The following CCNJL variants were observed in gnomAD, a reference collection of about 807,000 sequenced individuals.
CCNJL encodes the protein cyclin J like.
CCNJL carries 33 observed loss-of-function variants against 33.4 expected under a neutral mutation model. The observed-to-expected ratio is 0.99, with a 90% CI of 0.75 to 1.32. The LOEUF is 1.32. Ranked by LOEUF, CCNJL falls within the 40% of genes most tolerant of loss-of-function variation. The pLI is 0.00. For synonymous variants in CCNJL, 227 were observed against 220.9 expected, an observed-to-expected ratio of 1.03 and a Z score of -0.24; for missense variants, 512 against 499.7, an observed-to-expected ratio of 1.02 and a Z score of -0.23.
rs1760791386 is a variant in CCNJL, at chr5:160,251,187, T to C, written c.*2191A>G. The C allele has an allele frequency of 1.3e-5, 2 of 152,204 alleles. No individual in the cohort carries two copies. Among genetic ancestry groups the C allele is most frequent in the Admixed American group, 6.5e-5 (1 of 15,274 alleles). 9.4% of individuals were successfully genotyped at this position (152,204 alleles called of 1,614,324 possible). A position where few individuals can be genotyped will look rare whatever the true frequency, so the allele number is the denominator to read the frequency against. ...TGGTAAAAGGTCGTAAGAGCAAAGA[T>C]TGAGGTTTCCTGGAGAATAAATTTT... On this transcript the variant is annotated 3_prime_UTR_variant, in exon 6 of 6. Coordinates refer to ENST00000257536, the MANE Select transcript of CCNJL (RefSeq NM_001308173.3).
At chr5:160,319,930 T>TAATAAATAAAAA (rs1763419924) in intron 1 of CCNJL, among the ~76,000 whole-genome samples, 1 of 151,372 alleles carries the variant, frequency 6.6e-6, no homozygotes, top group East Asian at 1.9e-4. Context: ...AATAAATAAA[T>TAATAAATAAAAA]AATAAATAAA....
intron 3 of CCNJL, among the ~76,000 whole-genome samples, chr5:160,267,466 G>A (rs544508788): frequency 1.3e-5 from 2 of 152,172 alleles, no homozygotes; most frequent in Non-Finnish European, 2.9e-5. Context: ...ACCTAGCACA[G>A]CCTCTAGCAT....
At chr5:160,258,490 C>G (rs1023601268) in intron 4 of CCNJL, 11 of 1,309,630 alleles carry the variant, frequency 8.4e-6, no homozygotes, top group East Asian at 2.3e-5. Flanking sequence ...GCCTAAAGAG[C>G]AGTGGACCAA....
At chr5:160,324,759 A>ATCTG (rs1375300474) in intron 1 of CCNJL, among the ~76,000 whole-genome samples, 2 of 152,160 alleles carry the variant, frequency 1.3e-5, no homozygotes, top group African/African-American at 4.8e-5. Flanking sequence ...GAATGTGACT[A>ATCTG]TCTGTCATAT....
chr5:160,276,391 G>C (rs1762011931), intron 3 of CCNJL: 1 of 149,866 alleles, frequency 6.7e-6, no homozygotes, highest in South Asian at 2.1e-4. Flanking sequence ...CTTCAGCCTG[G>C]GCGATAAGAG....
intron 1 of CCNJL, among the ~76,000 whole-genome samples, chr5:160,322,472 T>C (rs1050863423): frequency 6.6e-6 from 1 of 152,186 alleles, no homozygotes; most frequent in African/African-American, 2.4e-5. Context: ...ATATGATGCC[T>C]GGTATATAAA....
chr5:160,253,787 T>C lies in CCNJL; in HGVS notation c.755A>G (p.Asn252Ser), dbSNP rs556666531. 25 of 1,513,744 alleles carry C rather than the reference T, an allele frequency of 1.7e-5. No individual in the cohort carries two copies. Among genetic ancestry groups the C allele is most frequent in the South Asian group, 3.9e-5 (3 of 77,270 alleles). 93.8% of individuals were successfully genotyped at this position (1,513,744 alleles called of 1,614,324 possible). ...CIEILLVVYD[N>S]VLKDAVAVKS... ...GACGGCTACGGCATCCTTGAGGACG[T>C]TGTCATACACTCTGAAACGAGAAGA... Residue 252 changes from asparagine to serine, a missense_variant, in exon 6 of 6, where the codon AAC (asparagine) becomes AGC (serine). Asn to Ser is a conservative substitution (Grantham distance 46). Coordinates refer to ENST00000257536, the MANE Select transcript of CCNJL (RefSeq NM_001308173.3).
intron 1 of CCNJL, among the ~76,000 whole-genome samples, chr5:160,321,016 T>TCTC (rs1561812761): frequency 5.3e-5 from 1 of 18,756 alleles, no homozygotes; most frequent in Non-Finnish European, 1.1e-4. Flanking sequence ...CTCTCTCTCT[T>TCTC]TCTTTCTTTC....
intron 2 of CCNJL, among the ~76,000 whole-genome samples, chr5:160,285,771 G>T (rs1762382466): frequency 6.6e-6 from 1 of 152,236 alleles, no homozygotes; most frequent in African/African-American, 2.4e-5. Flanking sequence ...GCCCTGTTGA[G>T]AAAACTGCCT....
chr5:160,321,964 C>T (rs916329098), intron 1 of CCNJL, among the ~76,000 whole-genome samples: 2 of 152,138 alleles, frequency 1.3e-5, no homozygotes, highest in African/African-American at 4.8e-5. Context: ...TGGCCAGGCA[C>T]ATAGGCAGTG....
upstream of CCNJL, among the ~76,000 whole-genome samples, chr5:160,313,968 G>C (rs1436764796): frequency 2.0e-5 from 3 of 152,260 alleles, no homozygotes; most frequent in Non-Finnish European, 1.5e-5. Context: ...AGGAGTTTGA[G>C]ACCAAACTGG....
intron 5 of CCNJL, 32 bp from the exon 6 acceptor site, chr5:160,253,830 G>A: frequency 6.8e-7 from 1 of 1,480,730 alleles, no homozygotes; most frequent in South Asian, 1.4e-5. Context: ...GAGAACTGGA[G>A]GCCAAAAGCC....
intron 2 of CCNJL, among the ~76,000 whole-genome samples, chr5:160,292,658 A>T (rs766883101): frequency 1.4e-5 from 2 of 144,136 alleles, no homozygotes; most frequent in African/African-American, 5.6e-5. Flanking sequence ...TATATGTAAC[A>T]TGTGTGTGTA....
At chr5:160,282,998 T>TATATATATATATATATAC (rs1762283936) in intron 2 of CCNJL, among the ~76,000 whole-genome samples, 1 of 58,038 alleles carries the variant, frequency 1.7e-5, no homozygotes, top group African/African-American at 8.2e-5. Flanking sequence ...TATATATATA[T>TATATATATATATATATAC]ATATATATAT....
upstream of CCNJL, among the ~76,000 whole-genome samples, chr5:160,313,650 A>T (rs1214627309): frequency 6.6e-6 from 1 of 152,236 alleles, no homozygotes; most frequent in East Asian, 1.9e-4. Context: ...CCTAAAAATA[A>T]ACTGAATAAA....
At chr5:160,286,363 C>G (rs567384341) in intron 2 of CCNJL, among the ~76,000 whole-genome samples, 1 of 152,272 alleles carries the variant, frequency 6.6e-6, no homozygotes, top group Non-Finnish European at 1.5e-5. Flanking sequence ...AGTTATGGAC[C>G]AGGTGCAGTG....
rs1441942426 is a variant in CCNJL, at chr5:160,322,912, C to CA, written n.207-7408dup. Among the ~76,000 whole-genome samples, 3 of 144,350 alleles carry CA rather than the reference C, an allele frequency of 2.1e-5. No individual in the cohort carries two copies. The Admixed American group carries it at 2.1e-4, about 10-fold the overall frequency. 94.7% of individuals were successfully genotyped at this position (144,350 alleles called of 152,430 possible). A position where few individuals can be genotyped will look rare whatever the true frequency, so the allele number is the denominator to read the frequency against. Reference sequence around the variant, plus strand: ...TGGGAGACAGAGCAACACTCCATCTCAAAAAAAATTAAAAAAAAAAATAAT... The same window carrying CA: ...TGGGAGACAGAGCAACACTCCATCTCAAAAAAAAATTAAAAAAAAAAATAAT... On this transcript the variant is annotated intron_variant and non_coding_transcript_variant, in intron 1 of 7. Coordinates refer to the CCNJL transcript ENST00000377503.
intron 1 of CCNJL, among the ~76,000 whole-genome samples, chr5:160,320,809 CTTTCTTTCTT>C (rs1763434171): frequency 1.2e-5 from 1 of 86,130 alleles, no homozygotes; most frequent in Non-Finnish European, 2.6e-5. Flanking sequence ...TTCTTTCTTT[CTTTCTTTCTT>C]TCTTTCTTTC....
At chr5:160,287,656 G>A (rs1165449494) in intron 2 of CCNJL, among the ~76,000 whole-genome samples, 2 of 152,242 alleles carry the variant, frequency 1.3e-5, no homozygotes, top group Non-Finnish European at 2.9e-5. Context: ...GCGCAGTGCA[G>A]GAAGCCAGCC....
Sources: allele counts gnomAD v4.1 joint callset (sites outside exome capture counted in the v4.1 genomes callset), GRCh38; gene constraint gnomAD v4.1.1; transcripts MANE v1.5; gene names NCBI Gene and HGNC (gene_info 2026-07-23, HGNC 2026-07-21).